The following FKBP5 variants were observed in gnomAD, a reference collection of about 807,000 sequenced individuals.
The protein encoded by FKBP5 is peptidyl-prolyl cis-trans isomerase FKBP5.
In FKBP5, 23 loss-of-function variants were observed where a neutral mutation model predicts 50.5. The observed-to-expected ratio is 0.46, with a 90% CI of 0.33 to 0.65. The LOEUF (loss-of-function observed/expected upper bound fraction) is 0.65, where lower values mean the gene tolerates loss of function less well. Among genes scored for constraint, FKBP5 ranks in the 30% least tolerant of loss-of-function variants. The pLI is 0.02. For synonymous variants in FKBP5, 176 were observed against 190.6 expected, an observed-to-expected ratio of 0.92 and a Z score of 0.63; for missense variants, 411 against 553.1, an observed-to-expected ratio of 0.74 and a Z score of 2.58.
intron 1 of FKBP5, among the ~76,000 whole-genome samples, chr6:35,727,073 G>A (rs889111771): frequency 1.1e-4 from 16 of 152,192 alleles, no homozygotes; most frequent in African/African-American, 3.6e-4. Flanking sequence ...ATGAGCTGGA[G>A]CAGCAGAGAT....
chr6:35,667,963 G>A (rs1015199849), intron 1 of FKBP5, among the ~76,000 whole-genome samples: 11 of 151,754 alleles, frequency 7.2e-5, no homozygotes, highest in Non-Finnish European at 1.2e-4. Flanking sequence ...AGACTCTTTC[G>A]AAAAGAAAAA....
intron 1 of FKBP5, among the ~76,000 whole-genome samples, chr6:35,667,682 A>C (rs1254164101): frequency 5.9e-5 from 9 of 152,216 alleles, no homozygotes; most frequent in Non-Finnish European, 1.5e-5. Context: ...AGAGTTTGAG[A>C]TCAGCCTGGC....
rs373444502 is a variant in FKBP5 at position 35,586,097 on chromosome 6, C to T, written c.840+937G>A. ...GAAAACGAAAGAAACCTTGACAGAA[C>T]TCCCATTCTCCCTCTAATTCTCATC... is the stretch of plus-strand genomic sequence containing the variant. On this transcript the variant is annotated intron_variant, in intron 8 of 10. Transcript: ENST00000357266. The T allele has an allele frequency of 2.2e-5, 22 of 985,124 alleles. No individual in the cohort carries two copies. The East Asian group carries it at 1.1e-3, about 51-fold the overall frequency. The allele number at this position is 985,124 out of a possible 1,614,324, so 61.0% of individuals were successfully genotyped here.
At chr6:35,699,929 C>T (rs1385187037) in intron 2 of FKBP5, among the ~76,000 whole-genome samples, 2 of 151,908 alleles carry the variant, frequency 1.3e-5, no homozygotes, top group Non-Finnish European at 2.9e-5. Context: ...TGCCTGTAAT[C>T]CCAGCTACTC....
intron 5 of FKBP5, among the ~76,000 whole-genome samples, chr6:35,600,340 C>A (rs1661597221): frequency 6.6e-6 from 1 of 151,942 alleles, no homozygotes; most frequent in Non-Finnish European, 1.5e-5. Flanking sequence ...ATTGCTTGAA[C>A]CTAGGAGTTC....
chr6:35,584,330 A>G, intron 8 of FKBP5: 1 of 985,472 alleles, frequency 1.0e-6, no homozygotes, highest in Non-Finnish European at 1.2e-6. Flanking sequence ...ATTCAATCCT[A>G]CTCAGGAGAG....
chr6:35,649,464 G>A lies in FKBP5; in HGVS notation c.-19-6621C>T, dbSNP rs376933741. Among the ~76,000 whole-genome samples, 320 of 150,274 alleles carry A rather than the reference G, an allele frequency of 2.1e-3. 2 individuals are homozygous for A. The highest frequency in any genetic ancestry group is 0.014 in the Middle Eastern group (4 of 290). On this transcript the variant is annotated intron_variant, in intron 1 of 10. Coordinates refer to ENST00000357266, the MANE Select transcript of FKBP5 (RefSeq NM_004117.4). ...TTTTTTTAAAGAAAAAAAATGCCTC[G>A]ACCTTCTGGGAGGTGGCATTTTGTG...
chr6:35,574,571 C>T lies in FKBP5; in HGVS notation c.*1264G>A, dbSNP rs1762157232. ...ACTGGCTGTGTACCGGCATGGGAAG[C>T]TGTCTTCAACTCTTTCACAACTCAC... is the stretch of plus-strand genomic sequence containing the variant. On this transcript the variant is annotated 3_prime_UTR_variant, in exon 11 of 11. Coordinates refer to ENST00000357266, the MANE Select transcript of FKBP5 (RefSeq NM_004117.4). The T allele has an allele frequency of 6.6e-6, 1 of 152,322 alleles. No homozygotes were observed. The highest frequency in any genetic ancestry group is 2.4e-5 in the African/African-American group (1 of 41,446). 9.4% of individuals were successfully genotyped at this position (152,322 alleles called of 1,614,324 possible).
At chr6:35,707,069 G>A (rs1185195619) in intron 2 of FKBP5, among the ~76,000 whole-genome samples, 2 of 152,072 alleles carry the variant, frequency 1.3e-5, no homozygotes, top group South Asian at 2.1e-4. Flanking sequence ...AACTCTTAAC[G>A]GTGGTTATGC....
At chr6:35,583,385 A>G (rs1351895871) in intron 8 of FKBP5, 2 of 985,342 alleles carry the variant, frequency 2.0e-6, no homozygotes, top group Middle Eastern at 5.2e-4. Flanking sequence ...AGGCCATGGT[A>G]AAACAAAACA....
At position 35,591,163 on chromosome 6, in the gene FKBP5, A is replaced by G; in HGVS notation, c.723T>C (p.Leu241=). ...PKFGIEPNAE[L]IYEVTLKSFE... ...AGCTCTTAAGTGTAACTTCATATAT[A>G]AGCTCAGCATTAGGTTCAATGCCAA... The change falls in exon 7 of 11, where the codon CTT becomes CTC. Residue 241 remains leucine (L), a synonymous_variant. Transcript: ENST00000357266. The G allele has an allele frequency of 3.1e-6, 5 of 1,613,136 alleles. No homozygotes were observed. The highest frequency in any genetic ancestry group is 4.2e-6 in the Non-Finnish European group (5 of 1,179,518).
intron 6 of FKBP5, among the ~76,000 whole-genome samples, chr6:35,591,773 T>A (rs989100558): frequency 2.6e-5 from 4 of 152,184 alleles, no homozygotes; most frequent in African/African-American, 9.7e-5. Flanking sequence ...TTTCACACTA[T>A]TTAAGTTTTT....
At position 35,660,016 on chromosome 6, in the gene FKBP5, T is replaced by C. The variant is rs1271015320; in HGVS notation, c.-19-17173A>G. On this transcript the variant is annotated intron_variant, in intron 1 of 10. Coordinates refer to ENST00000357266, the MANE Select transcript of FKBP5 (RefSeq NM_004117.4). ...TACCCAATATAGACATTTAGTGCTATGAATTTTCCCCTAAACATTTGCATT... is the reference window on the plus strand; with the variant it reads ...TACCCAATATAGACATTTAGTGCTACGAATTTTCCCCTAAACATTTGCATT... Among the ~76,000 whole-genome samples, 3 of 84,586 alleles carry C rather than the reference T, an allele frequency of 3.5e-5. 1 individual carries two copies. The highest frequency in any genetic ancestry group is 5.4e-5 in the Non-Finnish European group (2 of 36,834). The allele number at this position is 84,586 out of a possible 152,430, so 55.5% of individuals were successfully genotyped here.
upstream of FKBP5, chr6:35,689,045 T>G (rs1234154108): frequency 6.6e-6 from 1 of 151,770 alleles, no homozygotes; most frequent in African/African-American, 2.4e-5. Flanking sequence ...GCGCGGGCTG[T>G]CGATCCGCCT....
chr6:35,687,260 T>C (rs1249746008), intron 1 of FKBP5, among the ~76,000 whole-genome samples: 1 of 152,154 alleles, frequency 6.6e-6, no homozygotes, highest in East Asian at 1.9e-4. Context: ...TTAATAACCC[T>C]CGTTTTAAAA....
At position 35,593,506 on chromosome 6, in the gene FKBP5, G is replaced by A. The variant is rs79776937; in HGVS notation, c.666-2286C>T. ...GTGTCCCCAGAAAATCAGGTTTTTTGGACTCATACTGCCTCATAACTAGAC... is the reference window on the plus strand; with the variant it reads ...GTGTCCCCAGAAAATCAGGTTTTTTAGACTCATACTGCCTCATAACTAGAC... On this transcript the variant is annotated intron_variant, in intron 6 of 10. Transcript: ENST00000357266. Among the ~76,000 whole-genome samples the A allele has an allele frequency of 4.2e-3, 635 of 152,186 alleles. 4 individuals carry two copies. The highest frequency in any genetic ancestry group is 0.014 in the African/African-American group (585 of 41,500).
At chr6:35,694,021 T>C (rs931101388) in intron 2 of FKBP5, among the ~76,000 whole-genome samples, 1 of 151,948 alleles carries the variant, frequency 6.6e-6, no homozygotes, top group East Asian at 1.9e-4. Flanking sequence ...AAAAAAAAAA[T>C]AGTGACAGAG....
intron 2 of FKBP5, among the ~76,000 whole-genome samples, chr6:35,710,912 G>A (rs752384120): frequency 6.6e-6 from 1 of 152,220 alleles, no homozygotes; most frequent in Non-Finnish European, 1.5e-5. Flanking sequence ...TATACTGTGT[G>A]ACTCCATTTA....
chr6:35,580,526 C>CTTTTTTTTTTTTTTTTTTTTTTTTT (rs34594222), intron 8 of FKBP5: 1 of 54,620 alleles, frequency 1.8e-5, no homozygotes, highest in Non-Finnish European at 3.0e-5. Context: ...ATTCTTTAGT[C>CTTTTTTTTTTTTTTTTTTTTTTTTT]TTTTTTTTTT....
Sources: allele counts gnomAD v4.1 joint callset (sites outside exome capture counted in the v4.1 genomes callset), GRCh38; gene constraint gnomAD v4.1.1; transcripts MANE v1.5; gene names NCBI Gene and HGNC (gene_info 2026-07-23, HGNC 2026-07-21).